Variants in CTNND2 observed in about 807,000 individuals in gnomAD.
CTNND2 encodes catenin delta-2.
A neutral mutation model predicts 144.4 loss-of-function variants in CTNND2; 22 were observed. The ratio of observed to expected loss-of-function variants is 0.15; its 90% CI spans 0.11 to 0.22. The LOEUF (loss-of-function observed/expected upper bound fraction) is 0.22. CTNND2 is among the 10% of genes least tolerant of loss of function. CTNND2 has a pLI of 1.00. For missense variants in CTNND2, 1,353 were observed against 1,618.8 expected (o/e 0.84, Z 2.82); for synonymous variants, 751 against 695.6 (o/e 1.08, Z -1.25).
intron 18 of CTNND2, among the ~76,000 whole-genome samples, chr5:11,017,682 CT>C (rs1288236878): frequency 1.8e-4 from 27 of 150,130 alleles, no homozygotes; most frequent in African/African-American, 6.6e-4. Flanking sequence ...TCTGTCATTA[CT>C]TGTTAGTCTA....
At chr5:11,791,037 G>A (rs955781076) in intron 1 of CTNND2, among the ~76,000 whole-genome samples, 3 of 152,048 alleles carry the variant, frequency 2.0e-5, no homozygotes, top group African/African-American at 7.2e-5. Context: ...TGAAGACACT[G>A]GCACCCTGGG....
chr5:11,829,566 T>C (rs1262136285), intron 1 of CTNND2, among the ~76,000 whole-genome samples: 1 of 152,188 alleles, frequency 6.6e-6, no homozygotes, highest in African/African-American at 2.4e-5. Context: ...AGCCTGCCAG[T>C]GCACACAAGT....
intron 1 of CTNND2, among the ~76,000 whole-genome samples, chr5:11,784,598 G>C (rs897477263): frequency 6.6e-6 from 1 of 152,192 alleles, no homozygotes; most frequent in Non-Finnish European, 1.5e-5. Flanking sequence ...CTAAGAAACT[G>C]ACTTCCAGTT....
At chr5:11,351,937 A>C (rs1755374882) in intron 8 of CTNND2, among the ~76,000 whole-genome samples, 1 of 152,192 alleles carries the variant, frequency 6.6e-6, no homozygotes, top group South Asian at 2.1e-4. Flanking sequence ...CTTGGAATTC[A>C]ACTCAGTTTC....
At chr5:11,496,431 G>T (rs1411873599) in intron 3 of CTNND2, among the ~76,000 whole-genome samples, 1 of 152,292 alleles carries the variant, frequency 6.6e-6, no homozygotes, top group African/African-American at 2.4e-5. Context: ...TTCTTCACAG[G>T]ACTAGTCCAA....
intron 1 of CTNND2, among the ~76,000 whole-genome samples, chr5:11,812,012 T>C (rs1233033360): frequency 6.6e-6 from 1 of 152,230 alleles, no homozygotes; most frequent in Non-Finnish European, 1.5e-5. Context: ...CACTGTAACA[T>C]AATAAAAACA....
At chr5:11,538,849 A>C (rs59492048) in intron 3 of CTNND2, among the ~76,000 whole-genome samples, 1,902 of 152,280 alleles carry the variant, frequency 0.012, 37 homozygotes, top group East Asian at 0.077. Context: ...AAGTTCTCAT[A>C]AACAATTCTC....
At chr5:11,279,170 T>C (rs564913502) in intron 9 of CTNND2, among the ~76,000 whole-genome samples, 1 of 152,268 alleles carries the variant, frequency 6.6e-6, no homozygotes, top group Non-Finnish European at 1.5e-5. Context: ...AAATACCTGT[T>C]GATTTTATAA....
chr5:11,002,706 A>G (rs976651025), intron 18 of CTNND2, among the ~76,000 whole-genome samples: 5 of 152,182 alleles, frequency 3.3e-5, no homozygotes, highest in Non-Finnish European at 5.9e-5. Flanking sequence ...CTGGAAGACA[A>G]CTTTTAGAAA....
intron 16 of CTNND2, among the ~76,000 whole-genome samples, chr5:11,065,099 C>G (rs964773875): frequency 6.6e-6 from 1 of 152,162 alleles, no homozygotes; most frequent in Non-Finnish European, 1.5e-5. Flanking sequence ...TTTGAGTTAA[C>G]GAGGGGTGGA....
At chr5:11,039,529 C>T (rs1744462074) in intron 16 of CTNND2, among the ~76,000 whole-genome samples, 1 of 152,108 alleles carries the variant, frequency 6.6e-6, no homozygotes, top group Non-Finnish European at 1.5e-5. Context: ...TTGCTAGATT[C>T]AAATAAATAT....
intron 17 of CTNND2, among the ~76,000 whole-genome samples, chr5:11,022,407 G>A (rs1304071711): frequency 6.6e-6 from 1 of 152,170 alleles, no homozygotes; most frequent in Non-Finnish European, 1.5e-5. Flanking sequence ...CTACTGTGAT[G>A]TTGGTAAGGT....
At chr5:11,360,611 T>C (rs1756352452) in intron 8 of CTNND2, among the ~76,000 whole-genome samples, 1 of 152,132 alleles carries the variant, frequency 6.6e-6, no homozygotes, top group Admixed American at 6.5e-5. Context: ...TGCCCCAACT[T>C]GCTACCCACA....
intron 3 of CTNND2, among the ~76,000 whole-genome samples, chr5:11,514,202 G>C (rs1355071444): frequency 3.4e-5 from 5 of 148,636 alleles, no homozygotes; most frequent in Admixed American, 1.3e-4. Flanking sequence ...AAAAGAAAAA[G>C]AAAAAAAAAA....
chr5:11,772,389 A>G (rs896824980), intron 1 of CTNND2, among the ~76,000 whole-genome samples: 67 of 152,290 alleles, frequency 4.4e-4, no homozygotes, highest in Non-Finnish European at 6.6e-4. Context: ...TAATAAAAAC[A>G]ATAATATGAA....
intron 6 of CTNND2, among the ~76,000 whole-genome samples, chr5:11,388,164 A>G (rs952091675): frequency 9.2e-5 from 14 of 152,230 alleles, no homozygotes; most frequent in Non-Finnish European, 1.9e-4. Context: ...AATTTTATAT[A>G]CTGTTTAACA....
chr5:11,384,992 C>A lies in CTNND2; in HGVS notation c.850G>T (p.Gly284Cys). ...TAGGTGGCGCCCTCGGGGGCCGAGC[C>A]GCCGCGCTGCAGCTTGGTGGGCGAA... ...GGSPTKLQRGGSAPEGATYAA... is the reference protein window; with the variant it reads ...GGSPTKLQRGCSAPEGATYAA... The change falls in exon 7 of 22, where the codon GGC becomes TGC. Residue 284 changes from glycine to cysteine, a missense_variant. Transcript: ENST00000304623. The surrounding 1 kb of genome is among the most constrained non-coding windows in gnomAD (Gnocchi z 5.2). 6.6e-7 allele frequency: 1 copy of A among 1,513,486 alleles called. No homozygotes were observed. 93.8% of individuals were successfully genotyped at this position (1,513,486 alleles called of 1,614,324 possible).
chr5:11,872,025 C>T (rs1051156656), intron 1 of CTNND2, among the ~76,000 whole-genome samples: 14 of 151,960 alleles, frequency 9.2e-5, no homozygotes, highest in Non-Finnish European at 1.8e-4. Context: ...TAATGCTATC[C>T]CTCCCCTAGC....
chr5:11,020,462 T>C (rs1227627856), intron 17 of CTNND2, among the ~76,000 whole-genome samples: 1 of 152,146 alleles, frequency 6.6e-6, no homozygotes, highest in Non-Finnish European at 1.5e-5. Flanking sequence ...TTCCCAATTA[T>C]TAAATTATCC....
Sources: gnomAD v4.1 joint callset for allele counts (sites outside exome capture counted in the v4.1 genomes callset) on GRCh38, gnomAD v4.1.1 for gene constraint, Gnocchi (gnomAD v3.1) non-coding constraint, MANE v1.5 for transcripts, NCBI Gene and HGNC (gene_info 2026-07-23, HGNC 2026-07-21) for gene names.